Variants in LIN54 observed in about 807,000 individuals in gnomAD.
LIN54 encodes protein lin-54 homolog.
LIN54 carries 9 observed loss-of-function variants against 78.7 expected under a neutral mutation model. That is an observed-to-expected ratio of 0.11 (90% CI 0.07 to 0.20). The LOEUF (loss-of-function observed/expected upper bound fraction) is 0.20. LIN54 is among the 10% of genes least tolerant of loss of function. LIN54 has a pLI of 1.00. For synonymous variants in LIN54, 269 were observed against 318.4 expected, an observed-to-expected ratio of 0.84 and a Z score of 1.65; for missense variants, 573 against 889.9, an observed-to-expected ratio of 0.64 and a Z score of 4.53.
chr4:82,947,249 T>TTTTTTTTTTA (rs1560733614), intron 4 of LIN54, among the ~76,000 whole-genome samples: 2 of 138,808 alleles, frequency 1.4e-5, no homozygotes, highest in Admixed American at 7.3e-5. Flanking sequence ...TTTTTTTTTT[T>TTTTTTTTTTA]GAAGACAGGG....
At chr4:82,945,791 G>A (rs79331864) in intron 5 of LIN54, among the ~76,000 whole-genome samples, 3,074 of 152,206 alleles carry the variant, frequency 0.02, 106 homozygotes, top group African/African-American at 0.07. Context: ...ACCGTGCCTG[G>A]CCTTTTAATC....
intron 1 of LIN54, among the ~76,000 whole-genome samples, chr4:82,989,142 C>T (rs1233583828): frequency 1.3e-5 from 2 of 151,664 alleles, no homozygotes; most frequent in African/African-American, 4.8e-5. Flanking sequence ...GAGCCAAGAT[C>T]ACGTCACTGC....
intron 12 of LIN54, among the ~76,000 whole-genome samples, chr4:82,930,522 T>G (rs751659942): frequency 6.6e-5 from 10 of 152,106 alleles, no homozygotes; most frequent in African/African-American, 1.9e-4. Context: ...ATGAAAGAGA[T>G]AACAATACGG....
intron 4 of LIN54, among the ~76,000 whole-genome samples, chr4:82,967,719 T>G (rs1421274807): frequency 1.3e-5 from 2 of 152,130 alleles, no homozygotes; most frequent in Non-Finnish European, 2.9e-5. Context: ...AAAAAAACCA[T>G]CCTGAGTGAA....
chr4:82,941,651 G>A (rs539301394), intron 5 of LIN54, among the ~76,000 whole-genome samples: 1 of 152,270 alleles, frequency 6.6e-6, no homozygotes, highest in East Asian at 1.9e-4. Flanking sequence ...GAGTGATCTG[G>A]AGTGACAGCA....
intron 2 of LIN54, among the ~76,000 whole-genome samples, chr4:82,981,590 C>T (rs1726643979): frequency 6.6e-6 from 1 of 152,108 alleles, no homozygotes; most frequent in African/African-American, 2.4e-5. Flanking sequence ...TTTTGTGCTT[C>T]AGAGCTTTGA....
At chr4:83,000,824 A>ATTCTTTTTTTCTTTT (rs1436683200) in intron 1 of LIN54, among the ~76,000 whole-genome samples, 8 of 3,222 alleles carry the variant, frequency 2.5e-3, no homozygotes, top group Admixed American at 7.8e-3. Context: ...AAAGCAATAA[A>ATTCTTTTTTTCTTTT]TTCTTTTTTT....
At chr4:82,943,214 T>G (rs1026421007) in intron 5 of LIN54, among the ~76,000 whole-genome samples, 4 of 152,156 alleles carry the variant, frequency 2.6e-5, no homozygotes, top group African/African-American at 9.7e-5. Context: ...CTTCCAAACT[T>G]CAGAAACCAT....
chr4:82,934,206 C>T (rs574386926), intron 11 of LIN54, among the ~76,000 whole-genome samples: 6 of 152,128 alleles, frequency 3.9e-5, no homozygotes, highest in African/African-American at 9.6e-5. Context: ...TGAGAGCAAC[C>T]GGGCCAACGT....
intron 4 of LIN54, among the ~76,000 whole-genome samples, chr4:82,947,472 G>T (rs1418415410): frequency 6.7e-6 from 1 of 148,162 alleles, no homozygotes; most frequent in African/African-American, 2.5e-5. Context: ...TGCCCAGGCT[G>T]GTCTTGAACT....
rs138954430 is a variant in LIN54, at chr4:82,933,463, A to G, written c.1846-2318T>C. The stretch of plus-strand genomic sequence containing the variant: ...AATAAGGTGGGTAGCCATTCATCCA[A>G]TCAACAAGCCTATAGGCATTGAAAG... On this transcript the variant is annotated intron_variant, in intron 11 of 12. Transcript: ENST00000340417. Among the ~76,000 whole-genome samples, 662 of 152,092 alleles carry G rather than the reference A, an allele frequency of 4.4e-3. 5 individuals are homozygous for G. Among genetic ancestry groups the G allele is most frequent in the Admixed American group, 6.1e-3 (94 of 15,288 alleles).
chr4:82,926,463 A>G lies in LIN54; in HGVS notation c.*1639T>C, dbSNP rs1035485598. 7 of 152,590 alleles carry G rather than the reference A, an allele frequency of 4.6e-5. No homozygotes were observed. Among genetic ancestry groups the G allele is most frequent in the Admixed American group, 2.0e-4 (3 of 15,266 alleles). The allele number at this position is 152,590 out of a possible 1,614,324, so 9.5% of individuals were successfully genotyped here. A position where few individuals can be genotyped will look rare whatever the true frequency, so the allele number is the denominator to read the frequency against. On this transcript the variant is annotated 3_prime_UTR_variant, in exon 13 of 13. Transcript: ENST00000340417. ...GGATTACTTAATTTCTATTGCCTAT[A>G]TCTTGCATGTTCATATGAACATATA...
intron 9 of LIN54, among the ~76,000 whole-genome samples, chr4:82,936,763 T>TC (rs1722427722): frequency 6.6e-6 from 1 of 152,220 alleles, no homozygotes; most frequent in Non-Finnish European, 1.5e-5. Flanking sequence ...TTGAACTGGC[T>TC]CATCTGAGTT....
At position 82,988,042 on chromosome 4, in the gene LIN54, A is replaced by G. The variant is rs951400948; in HGVS notation, c.-32-3166T>C. ...TTTCTCCACAGCCTTGCCAGCATCT[A>G]TTGTTTCCTGACTTTTTAATAATCG... On this transcript the variant is annotated intron_variant, in intron 1 of 12. Transcript: ENST00000340417. Among the ~76,000 whole-genome samples, 8 of 152,238 alleles carry G rather than the reference A, an allele frequency of 5.3e-5. No individual in the cohort carries two copies. The East Asian group carries it at 1.2e-3, about 22-fold the overall frequency.
rs549434808 is a variant in LIN54, at chr4:82,925,259, G to C, written c.*2843C>G. 1 of 152,340 alleles carries C rather than the reference G, an allele frequency of 6.6e-6. No individual in the cohort carries two copies. The highest frequency in any genetic ancestry group is 1.5e-5 in the Non-Finnish European group (1 of 68,032). 9.4% of individuals were successfully genotyped at this position (152,340 alleles called of 1,614,324 possible). On this transcript the variant is annotated 3_prime_UTR_variant, in exon 13 of 13. Transcript: ENST00000340417. ...AGGTCTCACTCTGATTGCCAGGCTG[G>C]AGTGCAGTGGTGTAATTTTGACTCA...
intron 4 of LIN54, among the ~76,000 whole-genome samples, chr4:82,960,257 G>C (rs1053231595): frequency 6.6e-6 from 1 of 151,934 alleles, no homozygotes; most frequent in East Asian, 1.9e-4. Flanking sequence ...CAAACTGCTG[G>C]GATCAAGCCA....
chr4:82,935,827 G>A (rs1006814003), intron 11 of LIN54, among the ~76,000 whole-genome samples, 154 bp downstream of exon 11: 15 of 152,230 alleles, frequency 9.9e-5, no homozygotes, highest in African/African-American at 3.1e-4. Context: ...ACAGAGGCTC[G>A]AAGGCCTTCC....
chr4:82,970,384 A>C lies in LIN54; in HGVS notation c.894T>G (p.Asn298Lys), dbSNP rs779066082. The C allele has an allele frequency of 4.3e-6, 7 of 1,613,340 alleles. No individual in the cohort carries two copies. Among genetic ancestry groups the C allele is most frequent in the Non-Finnish European group, 5.1e-6 (6 of 1,179,642 alleles). ...TTTTATTTGGTGTCTGTGTTGTAGA[A>C]TTTAAAGTTGATCCAATAACACCAC... ...SESGVIGSTLNSTTQTPNKIA... is the reference protein window; with the variant it reads ...SESGVIGSTLKSTTQTPNKIA... The change falls in exon 4 of 13, where the codon AAT becomes AAG. Residue 298 changes from asparagine (N) to lysine (K), a missense_variant. By Grantham distance (94) the Asn-to-Lys change is moderately conservative. Around this residue, in one of 6 missense-constraint regions of LIN54, gnomAD observed 199 missense variants for 260.9 expected, o/e 0.76. Coordinates refer to ENST00000340417, the MANE Select transcript of LIN54 (RefSeq NM_194282.4).
chr4:82,971,526 T>A (rs527740733), intron 3 of LIN54, among the ~76,000 whole-genome samples: 336 of 149,306 alleles, frequency 2.3e-3, no homozygotes, highest in African/African-American at 7.5e-3. Context: ...AAATTTTTTT[T>A]AAATTGAATT....
Sources: gnomAD v4.1 joint callset for allele counts (sites outside exome capture counted in the v4.1 genomes callset) on GRCh38, gnomAD v4.1.1 for gene constraint, gnomAD v4.1.1 regional missense constraint, MANE v1.5 for transcripts, NCBI Gene and HGNC (gene_info 2026-07-23, HGNC 2026-07-21) for gene names.